Variants in LOXL3 observed in about 807,000 individuals in gnomAD.
LOXL3 encodes the protein lysyl oxidase like 3, also known as lysyl oxidase homolog 3.
A neutral mutation model predicts 91.8 loss-of-function variants in LOXL3; 60 were observed. The observed-to-expected ratio is 0.65, with a 90% CI of 0.53 to 0.81. The LOEUF (loss-of-function observed/expected upper bound fraction) is 0.81, where lower values mean the gene tolerates loss of function less well. Ranked by LOEUF, LOXL3 falls within the 30% of genes least tolerant of loss-of-function variation. The pLI is 0.00. For missense variants in LOXL3, 874 were observed against 1,000.4 expected (o/e 0.87, Z 1.70); for synonymous variants, 355 against 387.6 (o/e 0.92, Z 0.99).
chr2:74,552,474 T>C lies in LOXL3; in HGVS notation c.161A>G (p.Tyr54Cys), dbSNP rs1213377664. Reference protein sequence around the residue: ...FRLAGFPRKPYEGRVEIQRAG... With the variant: ...FRLAGFPRKPCEGRVEIQRAG... The stretch of plus-strand genomic sequence containing the variant: ...TCGCTGTATCTCCACGCGGCCCTCG[T>C]AGGGCTTCCTGGGGAAGCCAGCCAG... Residue 54 changes from tyrosine to cysteine, a missense_variant, in exon 2 of 14, where the codon TAC becomes TGC. Physicochemically the swap from Tyr to Cys is radical, Grantham distance 194 (BLOSUM62 -2). Transcript: ENST00000264094. 3 of 1,613,524 alleles carry C rather than the reference T, an allele frequency of 1.9e-6. No homozygotes were observed. The Admixed American group carries it at 5.0e-5, about 27-fold the overall frequency.
Position 74,532,688 on chromosome 2 carries a change from A to G in LOXL3, c.*918T>C, listed in dbSNP as rs1427826226. On this transcript the variant is annotated 3_prime_UTR_variant, in exon 14 of 14. Coordinates refer to ENST00000264094, the MANE Select transcript of LOXL3 (RefSeq NM_032603.5). ...TTCAGCATGGTGTACTCATCCATAA[A>G]GTCATCCTGGGCTCCCCTGCACACC... 2 of 1,613,808 alleles carry G rather than the reference A, an allele frequency of 1.2e-6. No homozygotes were observed. Among genetic ancestry groups the G allele is most frequent in the Admixed American group, 3.3e-5 (2 of 60,004 alleles).
Position 74,550,269 on chromosome 2 carries a change from G to GT in LOXL3, c.392dup (p.Asn131LysfsTer3), listed in dbSNP as rs1166079811. ...CATCCTCATCGTGCGTACAGTCACTGTTCCCCCAGCCCCGGGAGGCACATT... is the reference window on the plus strand; with the variant it reads ...CATCCTCATCGTGCGTACAGTCACTGTTTCCCCCAGCCCCGGGAGGCACATT... On this transcript the variant is annotated frameshift_variant, in exon 3 of 14. Transcript: ENST00000264094. LOFTEE classifies it high-confidence loss of function. 1 of 1,614,068 alleles carries GT rather than the reference G, an allele frequency of 6.2e-7. No individual in the cohort carries two copies. Among genetic ancestry groups the GT allele is most frequent in the East Asian group, 2.2e-5 (1 of 44,894 alleles).
intron 4 of LOXL3, among the ~76,000 whole-genome samples, chr2:74,541,675 G>A (rs1676330025): frequency 6.6e-6 from 1 of 152,038 alleles, no homozygotes; most frequent in South Asian, 2.1e-4. Flanking sequence ...GATCTCCAGA[G>A]TAGTACTAAA....
intron 4 of LOXL3, among the ~76,000 whole-genome samples, chr2:74,544,993 A>G (rs1209362698): frequency 2.6e-5 from 4 of 152,168 alleles, no homozygotes; most frequent in African/African-American, 9.7e-5. Flanking sequence ...CAGACTTAGT[A>G]TGAGATTCCG....
rs552410033 is a variant in LOXL3, at chr2:74,549,767, C to G, written c.478-184G>C. On this transcript the variant is annotated intron_variant, in intron 3 of 13. Transcript: ENST00000264094. This position sits in a 1 kb window ranked among gnomAD's most constrained non-coding sequence, Gnocchi z 5.3. ...GTGTGGACTCTCTTGCAGCCAGCAGCGCGTGGGATGTGCTGTGCTCCCAGA... is the reference window on the plus strand; with the variant it reads ...GTGTGGACTCTCTTGCAGCCAGCAGGGCGTGGGATGTGCTGTGCTCCCAGA... The G allele has an allele frequency of 7.0e-7, 1 of 1,428,692 alleles. No individual in the cohort carries two copies. The highest frequency in any genetic ancestry group is 1.6e-5 in the South Asian group (1 of 64,338). 88.5% of individuals were successfully genotyped at this position (1,428,692 alleles called of 1,614,324 possible).
rs1168567472 is a variant in LOXL3 at position 74,533,178 on chromosome 2, T to C, written c.*428A>G. On this transcript the variant is annotated 3_prime_UTR_variant, in exon 14 of 14. Coordinates refer to ENST00000264094, the MANE Select transcript of LOXL3 (RefSeq NM_032603.5). ...TAAAATAAAATTATACCTAGCAACA[T>C]ATTATAGTAAAAAATGAGGTGGGAG... 6.6e-6 allele frequency: 4 copies of C among 602,590 alleles called. No homozygotes were observed. The highest frequency in any genetic ancestry group is 8.7e-6 in the Non-Finnish European group (3 of 343,116). 37.3% of individuals were successfully genotyped at this position (602,590 alleles called of 1,614,324 possible). A position where few individuals can be genotyped will look rare whatever the true frequency, so the allele number is the denominator to read the frequency against.
chr2:74,535,068 A>G lies in LOXL3; in HGVS notation c.1579+224T>C, dbSNP rs759618129. Among the ~76,000 whole-genome samples, 1 of 152,158 alleles carries G rather than the reference A, an allele frequency of 6.6e-6. No homozygotes were observed. The highest frequency in any genetic ancestry group is 1.5e-5 in the Non-Finnish European group (1 of 68,012). On this transcript the variant is annotated intron_variant, in intron 9 of 13. Coordinates refer to ENST00000264094, the MANE Select transcript of LOXL3 (RefSeq NM_032603.5). This position sits in a 1 kb window ranked among gnomAD's most constrained non-coding sequence, Gnocchi z 4.2. ...TAATTTTTGTAGTTTTAGTAGAGAC[A>G]GGGTTTCACCATCTTGGTCAGGCTG...
chr2:74,535,965 G>C lies in LOXL3; in HGVS notation c.1248+31C>G. 1 of 1,537,562 alleles carries C rather than the reference G, an allele frequency of 6.5e-7. No individual in the cohort carries two copies. The highest frequency in any genetic ancestry group is 8.7e-7 in the Non-Finnish European group (1 of 1,147,810). On this transcript the variant is annotated intron_variant, in intron 7 of 13. Transcript: ENST00000264094. This position sits in a 1 kb window ranked among gnomAD's most constrained non-coding sequence, Gnocchi z 4.2. ...GACCAGACCTGGATAGGATGAAAGA[G>C]ACCTCAACCAAGGTAGAGAGGATGA...
In LOXL3 at chr2:74,534,830, G is replaced by A. The variant is rs548173589; in HGVS notation, c.1580-56C>T. Reference sequence around the variant, plus strand: ...GTCACTGCTGACTTCACAGAGAGGGGTGCTTCCATCCCTCCCTAGTGTGTA... The same window carrying A: ...GTCACTGCTGACTTCACAGAGAGGGATGCTTCCATCCCTCCCTAGTGTGTA... On this transcript the variant is annotated intron_variant, in intron 9 of 13. Coordinates refer to ENST00000264094, the MANE Select transcript of LOXL3 (RefSeq NM_032603.5). The A allele has an allele frequency of 3.8e-6, 6 of 1,569,198 alleles. No individual in the cohort carries two copies. In the Admixed American group the frequency reaches 5.1e-5, roughly 13 times the overall value.
Position 74,535,917 on chromosome 2 carries a change from G to C in LOXL3, c.1248+79C>G, listed in dbSNP as rs1017100918. On this transcript the variant is annotated intron_variant, in intron 7 of 13. Transcript: ENST00000264094. The surrounding 1 kb of genome is among the most constrained non-coding windows in gnomAD (Gnocchi z 4.2). ...GCAGGGGCCTGGGGCAATGGGCTGG[G>C]GGCCATTGGACTGTAGATTGGAGAC... 2.0e-6 allele frequency: 3 copies of C among 1,496,772 alleles called. No homozygotes were observed. Among genetic ancestry groups the C allele is most frequent in the Admixed American group, 2.2e-5 (1 of 44,464 alleles). The allele number at this position is 1,496,772 out of a possible 1,614,324, so 92.7% of individuals were successfully genotyped here.
chr2:74,541,317 A>G (rs1291506821), intron 4 of LOXL3, among the ~76,000 whole-genome samples: 5 of 152,186 alleles, frequency 3.3e-5, no homozygotes, highest in Non-Finnish European at 7.3e-5. Flanking sequence ...CCAATCCCCC[A>G]TGGTTACTGA....
At chr2:74,555,528 G>A (rs1483543112), upstream of LOXL3, 2 of 1,613,236 alleles carry the variant, frequency 1.2e-6, no homozygotes, top group South Asian at 1.1e-5. The surrounding 1 kb of genome is among the most constrained non-coding windows in gnomAD (Gnocchi z 6.1). Context: ...ACCGACCCCC[G>A]CTCCCCGCTG....
chr2:74,554,358 A>C, upstream of LOXL3: 1 of 202,226 alleles, frequency 4.9e-6, no homozygotes, highest in African/African-American at 2.4e-5. The surrounding 1 kb of genome is among the most constrained non-coding windows in gnomAD (Gnocchi z 4.9). Context: ...GGCCAGGGTA[A>C]ATAAAGCCCC....
Position 74,533,344 on chromosome 2 carries a change from G to C in LOXL3, c.*262C>G. The stretch of plus-strand genomic sequence containing the variant: ...ATCTTTTGTGGGCAGTTAGTCAGGT[G>C]CTGCTCTTTGTGGTGTGGTGGGCTC... On this transcript the variant is annotated 3_prime_UTR_variant, in exon 14 of 14. Transcript: ENST00000264094. 5.6e-6 allele frequency: 3 copies of C among 537,540 alleles called. No homozygotes were observed. The East Asian group carries it at 9.8e-5, about 18-fold the overall frequency. The allele number at this position is 537,540 out of a possible 1,614,324, so 33.3% of individuals were successfully genotyped here. A position where few individuals can be genotyped will look rare whatever the true frequency, so the allele number is the denominator to read the frequency against.
At chr2:74,551,604 C>T (rs1390506102) in intron 2 of LOXL3, among the ~76,000 whole-genome samples, 1 of 152,264 alleles carries the variant, frequency 6.6e-6, no homozygotes, top group Non-Finnish European at 1.5e-5. Flanking sequence ...GAATCTTTCA[C>T]ATCTAGGCAG....
In LOXL3 at chr2:74,543,899, T is replaced by TAAAAAAAAAA. The variant is rs1352260802; in HGVS notation, c.692+5469_692+5470insTTTTTTTTTT. Among the ~76,000 whole-genome samples, 26 of 49,276 alleles carry TAAAAAAAAAA rather than the reference T, an allele frequency of 5.3e-4. 1 individual carries two copies. The highest frequency in any genetic ancestry group is 2.8e-3 in the East Asian group (4 of 1,422). The allele number at this position is 49,276 out of a possible 152,430, so 32.3% of individuals were successfully genotyped here. A position where few individuals can be genotyped will look rare whatever the true frequency, so the allele number is the denominator to read the frequency against. On this transcript the variant is annotated intron_variant, in intron 4 of 13. Coordinates refer to ENST00000264094, the MANE Select transcript of LOXL3 (RefSeq NM_032603.5). Reference sequence around the variant, plus strand: ...CTGGGTGACAAAGCAAGGCTCTGTCTCAAAAAAAAAAAAAAAAAAAAAAAG... The same window carrying TAAAAAAAAAA: ...CTGGGTGACAAAGCAAGGCTCTGTCTAAAAAAAAAACAAAAAAAAAAAAAAAAAAAAAAAG...
rs1315777875 is a variant in LOXL3, at chr2:74,536,461, C to T, written c.923G>A (p.Arg308His). The stretch of plus-strand genomic sequence containing the variant: ...TCCAGGGTGGGCGCCGCCCTTTAGA[C>T]GGACACGGGCCTATAGAAGAGAGAA... ...QSKPQGEARV[R>H]LKGGAHPGEG... Residue 308 changes from arginine (R) to histidine (H), a missense_variant, in exon 6 of 14, where the codon CGT (arginine) becomes CAT (histidine). Arg to His is a conservative substitution (Grantham distance 29). Coordinates refer to ENST00000264094, the MANE Select transcript of LOXL3 (RefSeq NM_032603.5). This position sits in a 1 kb window ranked among gnomAD's most constrained non-coding sequence, Gnocchi z 4.5. 1.1e-5 allele frequency: 17 copies of T among 1,612,942 alleles called. No homozygotes were observed. Among genetic ancestry groups the T allele is most frequent in the Middle Eastern group, 1.8e-4 (1 of 5,676 alleles).
Position 74,549,735 on chromosome 2 carries a change from G to A in LOXL3, c.478-152C>T. 1 of 1,442,266 alleles carries A rather than the reference G, an allele frequency of 6.9e-7. No homozygotes were observed. Among genetic ancestry groups the A allele is most frequent in the Non-Finnish European group, 9.1e-7 (1 of 1,096,536 alleles). 89.3% of individuals were successfully genotyped at this position (1,442,266 alleles called of 1,614,324 possible). The stretch of plus-strand genomic sequence containing the variant: ...TGAGAGAGCGGCCACGATGGCCGCA[G>A]TCCGCGGTGTGGACTCTCTTGCAGC... On this transcript the variant is annotated intron_variant, in intron 3 of 13. Coordinates refer to ENST00000264094, the MANE Select transcript of LOXL3 (RefSeq NM_032603.5). The surrounding 1 kb of genome is among the most constrained non-coding windows in gnomAD (Gnocchi z 5.3).
In LOXL3 at chr2:74,549,404, G is replaced by A. The variant is rs1676843818; in HGVS notation, c.657C>T (p.Phe219=). Residue 219 remains phenylalanine (F), a synonymous_variant, in exon 4 of 14, where the codon TTC becomes TTT. Transcript: ENST00000264094. The surrounding 1 kb of genome is among the most constrained non-coding windows in gnomAD (Gnocchi z 5.3). ...NSHVVCGMLG[F]PSEKRVNAAF... is the part of the protein sequence containing the mutation. Reference sequence around the variant, plus strand: ...CCGCGTTGACCCTCTTTTCGCTGGGGAAGCCCAGCATCCCGCAGACCACGT... The same window carrying A: ...CCGCGTTGACCCTCTTTTCGCTGGGAAAGCCCAGCATCCCGCAGACCACGT... 6.2e-7 allele frequency: 1 copy of A among 1,611,330 alleles called. No homozygotes were observed. The highest frequency in any genetic ancestry group is 1.7e-5 in the Admixed American group (1 of 59,832).
Sources: gnomAD v4.1 joint callset for allele counts (sites outside exome capture counted in the v4.1 genomes callset) on GRCh38, gnomAD v4.1.1 for gene constraint, Gnocchi (gnomAD v3.1) non-coding constraint, MANE v1.5 for transcripts, NCBI Gene and HGNC (gene_info 2026-07-23, HGNC 2026-07-21) for gene names.